Variants in CALM3 observed in about 807,000 individuals in gnomAD.
The protein encoded by CALM3 is calmodulin-3.
CALM3 carries 5 observed loss-of-function variants against 20.1 expected under a neutral mutation model. That is an observed-to-expected ratio of 0.25 (90% CI 0.13 to 0.52). CALM3 has a LOEUF of 0.52. Ranked by LOEUF, CALM3 falls within the 20% of genes least tolerant of loss-of-function variation. The pLI, the probability that CALM3 is intolerant of heterozygous loss-of-function variation, is 0.96. For missense variants in CALM3, 57 were observed against 192.8 expected, an observed-to-expected ratio of 0.30 and a Z score of 4.17; for synonymous variants, 69 against 68.1, an observed-to-expected ratio of 1.01 and a Z score of -0.06.
chr19:46,606,675 C>T (rs978050791), intron 2 of CALM3, among the ~76,000 whole-genome samples: 3 of 152,150 alleles, frequency 2.0e-5, no homozygotes, highest in Admixed American at 6.5e-5. Context: ...TAGAAGAAAT[C>T]CCTGGATCCC....
At chr19:46,609,101 C>G (rs1971812169) in intron 5 of CALM3, 24 bp from the exon 6 acceptor site, 5 of 1,555,886 alleles carry the variant, frequency 3.2e-6, no homozygotes, top group Non-Finnish European at 4.4e-6. Flanking sequence ...GCCTGACCTC[C>G]TCTCTCTCTG....
intron 2 of CALM3, chr19:46,606,436 C>G (rs1379904355): frequency 6.6e-6 from 1 of 152,578 alleles, no homozygotes. Flanking sequence ...AGTACACAGC[C>G]TTCCTTTACT....
chr19:46,606,784 G>T (rs1316231042), intron 2 of CALM3, among the ~76,000 whole-genome samples: 1 of 152,234 alleles, frequency 6.6e-6, no homozygotes, highest in African/African-American at 2.4e-5. Flanking sequence ...CGCCCATACT[G>T]AGCTGCCCGA....
At chr19:46,607,717 A>T (rs1388854925) in intron 2 of CALM3, among the ~76,000 whole-genome samples, 2 of 152,216 alleles carry the variant, frequency 1.3e-5, no homozygotes, top group African/African-American at 4.8e-5. Flanking sequence ...AAGGGAGTGG[A>T]TGCCTGCATT....
chr19:46,608,023 T>C lies in CALM3; in HGVS notation c.35-174T>C, dbSNP rs1161082181. ...CTGTTGAATGAAGGTTGGAAGGGCT[T>C]TGCCCTGAGCACTGAGGAGAGAGAG... On this transcript the variant is annotated intron_variant, in intron 2 of 5. Transcript: ENST00000291295. This position sits in a 1 kb window ranked among gnomAD's most constrained non-coding sequence, Gnocchi z 5.5. The C allele has an allele frequency of 4.9e-6, 3 of 616,186 alleles. No individual in the cohort carries two copies. Among genetic ancestry groups the C allele is most frequent in the Non-Finnish European group, 8.6e-6 (3 of 348,320 alleles). The allele number at this position is 616,186 out of a possible 1,614,324, so 38.2% of individuals were successfully genotyped here. A position where few individuals can be genotyped will look rare whatever the true frequency, so the allele number is the denominator to read the frequency against.
In CALM3 at chr19:46,601,556, G is replaced by C; in HGVS notation, c.3+119G>C. 1 of 1,009,852 alleles carries C rather than the reference G, an allele frequency of 9.9e-7. No individual in the cohort carries two copies. Among genetic ancestry groups the C allele is most frequent in the Non-Finnish European group, 1.3e-6 (1 of 755,776 alleles). The allele number at this position is 1,009,852 out of a possible 1,614,324, so 62.6% of individuals were successfully genotyped here. ...GGCGTCCGGGCCCGGCGAGAGCCTC[G>C]GGACCCTTTTCTACCCGCGTTGTCG... On this transcript the variant is annotated intron_variant, in intron 1 of 5. Coordinates refer to ENST00000291295, the MANE Select transcript of CALM3 (RefSeq NM_005184.4). This position sits in a 1 kb window ranked among gnomAD's most constrained non-coding sequence, Gnocchi z 4.2.
At chr19:46,607,374 C>T (rs1483870228) in intron 2 of CALM3, among the ~76,000 whole-genome samples, 1 of 152,214 alleles carries the variant, frequency 6.6e-6, no homozygotes, top group Non-Finnish European at 1.5e-5. Flanking sequence ...CAGCCCACAC[C>T]CTCTGGGAAT....
intron 1 of CALM3, among the ~76,000 whole-genome samples, chr19:46,604,062 C>T (rs1971690207): frequency 6.6e-6 from 1 of 152,206 alleles, no homozygotes; most frequent in African/African-American, 2.4e-5. Context: ...TTTTTCCATT[C>T]TAGGCCAGGG....
At position 46,610,305 on chromosome 19, in the gene CALM3, T is replaced by C. The variant is rs1358405369; in HGVS notation, c.*1152T>C. 1 of 152,742 alleles carries C rather than the reference T, an allele frequency of 6.5e-6. No homozygotes were observed. The highest frequency in any genetic ancestry group is 1.9e-4 in the East Asian group (1 of 5,206). 9.5% of individuals were successfully genotyped at this position (152,742 alleles called of 1,614,324 possible). A position where few individuals can be genotyped will look rare whatever the true frequency, so the allele number is the denominator to read the frequency against. ...TGTGCTCCGTGCCCTCTTCCCTGCC[T>C]CTTCCCTCGCCCACCTGCCTGCCCC... On this transcript the variant is annotated 3_prime_UTR_variant, in exon 6 of 6. Transcript: ENST00000291295.
chr19:46,608,113 C>T lies in CALM3; in HGVS notation c.35-84C>T. ...GGTGGGACTGATGCCCTTGGCCTTC[C>T]TCCAGGGAAGGCATCCAGCATCCAG... On this transcript the variant is annotated intron_variant, in intron 2 of 5. Transcript: ENST00000291295. The surrounding 1 kb of genome is among the most constrained non-coding windows in gnomAD (Gnocchi z 5.5). 1 of 1,410,714 alleles carries T rather than the reference C, an allele frequency of 7.1e-7. No homozygotes were observed. Among genetic ancestry groups the T allele is most frequent in the Non-Finnish European group, 9.7e-7 (1 of 1,030,584 alleles). The allele number at this position is 1,410,714 out of a possible 1,614,324, so 87.4% of individuals were successfully genotyped here.
At position 46,605,748 on chromosome 19, in the gene CALM3, C is replaced by G. The variant is rs1348950274; in HGVS notation, c.4-79C>G. 1 of 1,465,606 alleles carries G rather than the reference C, an allele frequency of 6.8e-7. No individual in the cohort carries two copies. Among genetic ancestry groups the G allele is most frequent in the African/African-American group, 1.4e-5 (1 of 71,964 alleles). 90.8% of individuals were successfully genotyped at this position (1,465,606 alleles called of 1,614,324 possible). A position where few individuals can be genotyped will look rare whatever the true frequency, so the allele number is the denominator to read the frequency against. On this transcript the variant is annotated intron_variant, in intron 1 of 5. Coordinates refer to ENST00000291295, the MANE Select transcript of CALM3 (RefSeq NM_005184.4). The surrounding 1 kb of genome is among the most constrained non-coding windows in gnomAD (Gnocchi z 4.1). ...CACGTGGAGCTGGCCTCACTGGGGCCGAGGGTCTGGGCTGAGTGAGGAAGA... is the reference window on the plus strand; with the variant it reads ...CACGTGGAGCTGGCCTCACTGGGGCGGAGGGTCTGGGCTGAGTGAGGAAGA...
chr19:46,601,310 C>G (rs1971607893), upstream of CALM3: 10 of 865,266 alleles, frequency 1.2e-5, no homozygotes, highest in East Asian at 4.4e-5. The surrounding 1 kb of genome is among the most constrained non-coding windows in gnomAD (Gnocchi z 4.2). Flanking sequence ...GCGGCGGCGG[C>G]GGCGGCGCGC....
In CALM3 at chr19:46,608,392, C is replaced by T. The variant is rs1403385230; in HGVS notation, c.178+52C>T. ...CCCTGCTCCTGGTCACCCCGAGTGA[C>T]TGCAGGGAGCCTCTCTCAGGGTGAT... is the stretch of plus-strand genomic sequence containing the variant. On this transcript the variant is annotated intron_variant, in intron 3 of 5. Coordinates refer to ENST00000291295, the MANE Select transcript of CALM3 (RefSeq NM_005184.4). The surrounding 1 kb of genome is among the most constrained non-coding windows in gnomAD (Gnocchi z 5.5). The T allele has an allele frequency of 1.9e-6, 3 of 1,610,990 alleles. No individual in the cohort carries two copies. The highest frequency in any genetic ancestry group is 2.5e-6 in the Non-Finnish European group (3 of 1,177,628).
chr19:46,602,348 G>A, intron 1 of CALM3: 1 of 460,178 alleles, frequency 2.2e-6, no homozygotes. Context: ...CGGGGTGGGA[G>A]TGTTGTGTTT....
chr19:46,602,395 G>C (rs1027282158), intron 1 of CALM3, among the ~76,000 whole-genome samples: 1 of 151,218 alleles, frequency 6.6e-6, no homozygotes, highest in Non-Finnish European at 1.5e-5. Flanking sequence ...GGTGAGGGGT[G>C]GGGGAGGACT....
Position 46,609,196 on chromosome 19 carries a change from CTCTT to C in CALM3, c.*44_*47del. On this transcript the variant is annotated 3_prime_UTR_variant, in exon 6 of 6. Transcript: ENST00000291295. ...GGCGATGCCCGTTCTCTTGATCTCT[CTCTT>C]CTCGCGCGCGCACTCTCTCTTCAAC... 1 of 1,602,542 alleles carries C rather than the reference CTCTT, an allele frequency of 6.2e-7. No homozygotes were observed. Among genetic ancestry groups the C allele is most frequent in the Non-Finnish European group, 8.5e-7 (1 of 1,171,380 alleles).
At chr19:46,602,974 T>C (rs1278645632) in intron 1 of CALM3, among the ~76,000 whole-genome samples, 1 of 152,228 alleles carries the variant, frequency 6.6e-6, no homozygotes, top group East Asian at 1.9e-4. Flanking sequence ...GGAGACCCCT[T>C]GATCGGCCTG....
At position 46,608,347 on chromosome 19, in the gene CALM3, C is replaced by T. The variant is rs1303928908; in HGVS notation, c.178+7C>T. ...AATGAGGTGGATGCAGATGGTGAGC[C>T]CCACAGAGCGCGTGGGCAGCCCTGC... On this transcript the variant is annotated splice_region_variant and intron_variant, in intron 3 of 5. Coordinates refer to ENST00000291295, the MANE Select transcript of CALM3 (RefSeq NM_005184.4). The surrounding 1 kb of genome is among the most constrained non-coding windows in gnomAD (Gnocchi z 5.5). 6.2e-7 allele frequency: 1 copy of T among 1,613,852 alleles called. No individual in the cohort carries two copies.
chr19:46,609,165 GCAGCTGGCGATGCCCGTT>G lies in CALM3; in HGVS notation c.*14_*31del. The G allele has an allele frequency of 6.2e-7, 1 of 1,613,698 alleles. No homozygotes were observed. Among genetic ancestry groups the G allele is most frequent in the Non-Finnish European group, 8.5e-7 (1 of 1,179,798 alleles). ...TGACTGCAAAGTGAAGGCCCCCCGGGCAGCTGGCGATGCCCGTTCTCTTGATCTCTCTCTTCTCGCGCG... is the reference window on the plus strand; with the variant it reads ...TGACTGCAAAGTGAAGGCCCCCCGGGCTCTTGATCTCTCTCTTCTCGCGCG... On this transcript the variant is annotated 3_prime_UTR_variant, in exon 6 of 6. Transcript: ENST00000291295.
Sources: gnomAD v4.1 joint callset for allele counts (sites outside exome capture counted in the v4.1 genomes callset) on GRCh38, gnomAD v4.1.1 for gene constraint, Gnocchi (gnomAD v3.1) non-coding constraint, MANE v1.5 for transcripts, NCBI Gene and HGNC (gene_info 2026-07-23, HGNC 2026-07-21) for gene names.